BCKDHB: variants seen among roughly 807,000 people sequenced by gnomAD.
The protein encoded by BCKDHB is 2-oxoisovalerate dehydrogenase subunit beta, mitochondrial.
A neutral mutation model predicts 48.5 loss-of-function variants in BCKDHB; 41 were observed. The ratio of observed to expected loss-of-function variants is 0.85; its 90% CI spans 0.66 to 1.10. BCKDHB has a LOEUF of 1.10. BCKDHB is among the 50% of genes least tolerant of loss of function. The pLI is 0.00. For missense variants in BCKDHB, 496 were observed against 494.2 expected (o/e 1.00, Z -0.03); for synonymous variants, 201 against 174.8 (o/e 1.15, Z -1.18).
chr6:80,201,054 G>T (rs2127823567), intron 7 of BCKDHB, 23 bp downstream of exon 7: 1 of 1,542,076 alleles, frequency 6.5e-7, no homozygotes, highest in East Asian at 2.2e-5. Flanking sequence ...GATCCCAACT[G>T]TTAAAACCTA....
chr6:80,259,370 T>G (rs1777192945), intron 8 of BCKDHB, among the ~76,000 whole-genome samples: 1 of 152,156 alleles, frequency 6.6e-6, no homozygotes, highest in South Asian at 2.1e-4. Context: ...GTGATACGCT[T>G]TGGCATCATA....
chr6:80,324,623 A>G (rs1038789526), intron 9 of BCKDHB, among the ~76,000 whole-genome samples: 3 of 152,190 alleles, frequency 2.0e-5, no homozygotes, highest in Non-Finnish European at 4.4e-5. Flanking sequence ...CCAGGGATGA[A>G]CATGCATTTG....
chr6:80,417,967 C>G, the BCKDHB span, among the ~76,000 whole-genome samples: 1 of 152,144 alleles, frequency 6.6e-6, no homozygotes, highest in African/African-American at 2.4e-5. Context: ...TTCAGGGACA[C>G]CAATGAGTCT....
At chr6:80,322,507 G>C (rs1481426914) in intron 9 of BCKDHB, among the ~76,000 whole-genome samples, 1 of 152,126 alleles carries the variant, frequency 6.6e-6, no homozygotes, top group Non-Finnish European at 1.5e-5. Flanking sequence ...AAAGTGCTGG[G>C]ATTACAGGCA....
chr6:80,213,135 A>G (rs940197409), intron 8 of BCKDHB, among the ~76,000 whole-genome samples: 1 of 152,330 alleles, frequency 6.6e-6, no homozygotes, highest in African/African-American at 2.4e-5. Flanking sequence ...AATGTTTTCA[A>G]TTTGGTGCTT....
At chr6:80,149,984 T>TAA (rs11448111) in intron 3 of BCKDHB, among the ~76,000 whole-genome samples, 19 of 150,678 alleles carry the variant, frequency 1.3e-4, no homozygotes, top group South Asian at 4.2e-4. Flanking sequence ...ATAATAATAA[T>TAA]AAAAAAAAAT....
chr6:80,376,456 G>T, the BCKDHB span, among the ~76,000 whole-genome samples: 1 of 152,204 alleles, frequency 6.6e-6, no homozygotes, highest in Admixed American at 6.5e-5. Flanking sequence ...AGCAGAGAAA[G>T]CAAGCAGACT....
chr6:80,191,074 C>G (rs1373474708), intron 6 of BCKDHB, among the ~76,000 whole-genome samples: 1 of 152,134 alleles, frequency 6.6e-6, no homozygotes, highest in Non-Finnish European at 1.5e-5. Flanking sequence ...GCTTCCTGAT[C>G]CCTGGTTTGC....
intron 6 of BCKDHB, among the ~76,000 whole-genome samples, chr6:80,192,363 G>A (rs897209185): frequency 3.3e-5 from 5 of 149,486 alleles, no homozygotes; most frequent in Admixed American, 6.6e-5. Context: ...TTTTTTTTGC[G>A]CCAGTTTTCC....
intron 9 of BCKDHB, among the ~76,000 whole-genome samples, chr6:80,331,955 T>TG (rs142030601): frequency 0.075 from 11,387 of 152,004 alleles, 611 homozygotes; most frequent in South Asian, 0.24. Flanking sequence ...CATGCTCATT[T>TG]GGGGGGGACT....
chr6:80,309,715 A>T (rs1045654616), intron 9 of BCKDHB, among the ~76,000 whole-genome samples: 1 of 152,090 alleles, frequency 6.6e-6, no homozygotes, highest in African/African-American at 2.4e-5. Flanking sequence ...TACTTGTTAA[A>T]ACTTTTATTT....
chr6:80,138,089 A>T (rs946219945), intron 3 of BCKDHB, among the ~76,000 whole-genome samples: 1 of 151,974 alleles, frequency 6.6e-6, no homozygotes, highest in Admixed American at 6.6e-5. Flanking sequence ...CTCTAAAAAA[A>T]ATAGTGCAGC....
the BCKDHB span, among the ~76,000 whole-genome samples, chr6:80,408,814 AC>A: frequency 3.0e-5 from 4 of 134,170 alleles, no homozygotes; most frequent in Non-Finnish European, 4.8e-5. Flanking sequence ...AAAAAAAAAA[AC>A]CAAACAGCTC....
At chr6:80,127,271 T>C in intron 1 of BCKDHB, 2 of 393,554 alleles carry the variant, frequency 5.1e-6, no homozygotes, top group Non-Finnish European at 9.6e-6. Context: ...TAGGTCTTAT[T>C]GTCTACACGC....
intron 9 of BCKDHB, among the ~76,000 whole-genome samples, chr6:80,338,559 T>G (rs1769719313): frequency 1.3e-5 from 2 of 152,202 alleles, no homozygotes; most frequent in African/African-American, 2.4e-5. Context: ...TCTTACACAT[T>G]TTAGGCTTAG....
chr6:80,319,882 T>C (rs1240006137), intron 9 of BCKDHB, among the ~76,000 whole-genome samples: 1 of 152,162 alleles, frequency 6.6e-6, no homozygotes, highest in Non-Finnish European at 1.5e-5. Context: ...ATCAGTTCTT[T>C]TAGGGATTGG....
chr6:80,419,852 C>A, the BCKDHB span, among the ~76,000 whole-genome samples: 2 of 152,000 alleles, frequency 1.3e-5, no homozygotes, highest in Admixed American at 1.3e-4. Context: ...TCTTTTTGTT[C>A]CTTTGAATGG....
chr6:80,356,491 A>G, the BCKDHB span: 9 of 152,190 alleles, frequency 5.9e-5, no homozygotes, highest in African/African-American at 2.2e-4. Flanking sequence ...TGGTCATTAC[A>G]TACTTTTAAG....
At chr6:80,330,780 G>T (rs1372571177) in intron 9 of BCKDHB, among the ~76,000 whole-genome samples, 1 of 152,128 alleles carries the variant, frequency 6.6e-6, no homozygotes, top group African/African-American at 2.4e-5. Context: ...AGCATGTGTT[G>T]TTTTCTTGTC....
Sources: gnomAD v4.1 joint callset for allele counts (sites outside exome capture counted in the v4.1 genomes callset) on GRCh38, gnomAD v4.1.1 for gene constraint, MANE v1.5 for transcripts, NCBI Gene and HGNC (gene_info 2026-07-23, HGNC 2026-07-21) for gene names.